The following ASPH variants were observed in gnomAD, a reference collection of about 807,000 sequenced individuals.
The protein encoded by ASPH is aspartyl/asparaginyl beta-hydroxylase.
In ASPH, 100 loss-of-function variants were observed where a neutral mutation model predicts 118.4. The observed-to-expected ratio is 0.84, with a 90% confidence interval of 0.72 to 1.00. The LOEUF (loss-of-function observed/expected upper bound fraction) is 1.00, where lower values mean the gene tolerates loss of function less well. Among genes scored for constraint, ASPH ranks in the 50% least tolerant of loss-of-function variants. The pLI, the probability that ASPH is intolerant of heterozygous loss-of-function variation, is 0.00. For missense variants in ASPH, 920 were observed against 919.5 expected, an observed-to-expected ratio of 1.00 and a Z score of -0.01; for synonymous variants, 315 against 325.6, an observed-to-expected ratio of 0.97 and a Z score of 0.35.
chr8:61,581,480 C>A (rs536513510), intron 15 of ASPH, among the ~76,000 whole-genome samples: 1 of 152,244 alleles, frequency 6.6e-6, no homozygotes, highest in African/African-American at 2.4e-5. Context: ...TACATTCCTG[C>A]AGCTGCATGG....
chr8:61,646,663 C>A, intron 6 of ASPH, 87 bp downstream of exon 6: 1 of 1,304,690 alleles, frequency 7.7e-7, no homozygotes, highest in Non-Finnish European at 1.0e-6. Context: ...AGTTAAATAT[C>A]AGTTTTAAAG....
chr8:61,541,223 G>T (rs1013349395), intron 21 of ASPH, among the ~76,000 whole-genome samples: 20 of 152,154 alleles, frequency 1.3e-4, no homozygotes, highest in Non-Finnish European at 2.4e-4. Context: ...AATTAGCCGG[G>T]CATGGTGGTG....
chr8:61,643,378 T>C lies in ASPH; in HGVS notation c.757+8A>G. On this transcript the variant is annotated splice_region_variant and intron_variant, in intron 9 of 24. Coordinates refer to ENST00000379454, the MANE Select transcript of ASPH (RefSeq NM_004318.4). Reference sequence around the variant, plus strand: ...ATTTTAAATCTAATGAAAATGCTCATCTAATACCTGTATCATGGTGCAATC... The same window carrying C: ...ATTTTAAATCTAATGAAAATGCTCACCTAATACCTGTATCATGGTGCAATC... 6.2e-7 allele frequency: 1 copy of C among 1,604,590 alleles called. No individual in the cohort carries two copies. Among genetic ancestry groups the C allele is most frequent in the African/African-American group, 1.3e-5 (1 of 74,966 alleles).
At chr8:61,638,484 T>C in intron 10 of ASPH, 121 bp from the exon 11 acceptor site, 2 of 846,110 alleles carry the variant, frequency 2.4e-6, no homozygotes, top group Non-Finnish European at 3.7e-6. Context: ...GTTCAGTCAC[T>C]GGGAAACAGC....
At chr8:61,600,122 AT>A (rs1408723599) in intron 14 of ASPH, among the ~76,000 whole-genome samples, 22 of 152,338 alleles carry the variant, frequency 1.4e-4, no homozygotes, top group Admixed American at 7.2e-4. Flanking sequence ...ATAAAAAAAA[AT>A]ACATCGATAG....
intron 18 of ASPH, among the ~76,000 whole-genome samples, chr8:61,561,065 A>AG (rs1829644611): frequency 8.3e-6 from 1 of 120,790 alleles, no homozygotes; most frequent in African/African-American, 3.2e-5. Context: ...GAAGGAACGA[A>AG]GGAAGGGAGA....
intron 3 of ASPH, among the ~76,000 whole-genome samples, chr8:61,669,500 G>A (rs1031065180): frequency 6.6e-6 from 1 of 152,050 alleles, no homozygotes; most frequent in Non-Finnish European, 1.5e-5. Flanking sequence ...ATTTTTCCCA[G>A]ACAAAACTTG....
intron 15 of ASPH, among the ~76,000 whole-genome samples, chr8:61,582,639 T>C (rs1406306796): frequency 6.6e-6 from 1 of 152,266 alleles, no homozygotes; most frequent in Non-Finnish European, 1.5e-5. Flanking sequence ...ACCTTGGCTT[T>C]GGAGCCTCAC....
At chr8:61,536,618 G>T (rs1304399174) in intron 21 of ASPH, among the ~76,000 whole-genome samples, 1 of 152,168 alleles carries the variant, frequency 6.6e-6, no homozygotes, top group African/African-American at 2.4e-5. Context: ...GGCTCTCTCT[G>T]GTTGGGCTTA....
At chr8:61,665,368 A>C in intron 3 of ASPH, 1 of 1,613,560 alleles carries the variant, frequency 6.2e-7, no homozygotes, top group Non-Finnish European at 8.5e-7. Flanking sequence ...CATCCTTCAT[A>C]TTTGTTGATT....
chr8:61,652,922 A>C (rs1811779172), intron 4 of ASPH, among the ~76,000 whole-genome samples: 1 of 152,264 alleles, frequency 6.6e-6, no homozygotes, highest in South Asian at 2.1e-4. Flanking sequence ...TCAGTACTTA[A>C]GTTTTCAGTA....
chr8:61,584,736 T>C (rs942245926), intron 14 of ASPH, among the ~76,000 whole-genome samples: 1 of 151,680 alleles, frequency 6.6e-6, no homozygotes, highest in South Asian at 2.1e-4. Flanking sequence ...CTTGAACTCC[T>C]GGCCTCAAGC....
chr8:61,503,438 G>C lies in ASPH; in HGVS notation c.2198C>G (p.Ser733Cys). Residue 733 changes from serine (S) to cysteine (C), a missense_variant, in exon 25 of 25, where the codon TCT becomes TGT. Transcript: ENST00000379454. ...FEHEVWQDASSFRLIFIVDVW... is the reference protein window; with the variant it reads ...FEHEVWQDASCFRLIFIVDVW... ...ATCCACGATGAATATCAGCCGGAAA[G>C]ATGAGGCATCCTGCCATACCTCGTG... 1 of 1,613,248 alleles carries C rather than the reference G, an allele frequency of 6.2e-7. No individual in the cohort carries two copies. Among genetic ancestry groups the C allele is most frequent in the Non-Finnish European group, 8.5e-7 (1 of 1,179,698 alleles).
intron 2 of ASPH, chr8:61,683,811 T>G: frequency 2.4e-6 from 1 of 414,650 alleles, no homozygotes; most frequent in Non-Finnish European, 4.3e-6. Flanking sequence ...GTGACAGACA[T>G]ACAATATAAA....
At chr8:61,638,243 T>C in intron 11 of ASPH, 79 bp downstream of exon 11, 4 of 1,513,336 alleles carry the variant, frequency 2.6e-6, no homozygotes, top group Non-Finnish European at 3.6e-6. Context: ...CACTGACTCT[T>C]TGTTCCACAG....
intron 24 of ASPH, among the ~76,000 whole-genome samples, chr8:61,511,850 T>G (rs921653524): frequency 6.6e-6 from 1 of 152,260 alleles, no homozygotes; most frequent in East Asian, 1.9e-4. Flanking sequence ...GTGATCCGCC[T>G]GCCTCGGCTT....
At chr8:61,529,240 C>T (rs760106264) in intron 21 of ASPH, among the ~76,000 whole-genome samples, 3 of 152,176 alleles carry the variant, frequency 2.0e-5, no homozygotes, top group African/African-American at 7.2e-5. Flanking sequence ...TCAAGGGGCC[C>T]TGCTCCCCTC....
intron 3 of ASPH, chr8:61,664,944 G>GTCAA: frequency 9.2e-7 from 1 of 1,089,234 alleles, no homozygotes; most frequent in Non-Finnish European, 1.1e-6. Flanking sequence ...CTTATTTAAC[G>GTCAA]TCAATGAAAG....
At chr8:61,556,488 A>G (rs1827922145) in intron 18 of ASPH, among the ~76,000 whole-genome samples, 1 of 152,206 alleles carries the variant, frequency 6.6e-6, no homozygotes, top group Non-Finnish European at 1.5e-5. Context: ...TGCATTTGTA[A>G]TACATCACAA....
Sources: gnomAD v4.1 joint callset for allele counts (sites outside exome capture counted in the v4.1 genomes callset) on GRCh38, gnomAD v4.1.1 for gene constraint, MANE v1.5 for transcripts, NCBI Gene and HGNC (gene_info 2026-07-23, HGNC 2026-07-21) for gene names.